DLG1: variants seen among roughly 807,000 people sequenced by gnomAD.
DLG1 encodes disks large homolog 1.
Under a neutral mutation model 123.4 loss-of-function variants are expected in DLG1, and 42 were observed. That is an observed-to-expected ratio of 0.34 (90% confidence interval 0.27 to 0.44). The LOEUF (loss-of-function observed/expected upper bound fraction) is 0.44, where lower values mean the gene tolerates loss of function less well. Ranked by LOEUF, DLG1 falls within the 20% of genes least tolerant of loss-of-function variation. The pLI is 1.00. For missense variants in DLG1, 942 were observed against 1,082.6 expected, an observed-to-expected ratio of 0.87 and a Z score of 1.82; for synonymous variants, 317 against 356.2, an observed-to-expected ratio of 0.89 and a Z score of 1.24.
At chr3:197,169,486 G>C (rs1240649558) in intron 5 of DLG1, among the ~76,000 whole-genome samples, 1 of 152,074 alleles carries the variant, frequency 6.6e-6, no homozygotes, top group Admixed American at 6.5e-5. Context: ...AGTGAGGAAG[G>C]CCTATTAACA....
At chr3:197,192,049 C>CTGTAG (rs1485308929) in intron 5 of DLG1, among the ~76,000 whole-genome samples, 1 of 151,770 alleles carries the variant, frequency 6.6e-6, no homozygotes, top group Admixed American at 6.6e-5. Context: ...TGGCATGTGC[C>CTGTAG]TGTAGACCCA....
At chr3:197,272,147 G>A (rs1339292386) in intron 4 of DLG1, among the ~76,000 whole-genome samples, 1 of 152,076 alleles carries the variant, frequency 6.6e-6, no homozygotes, top group African/African-American at 2.4e-5. Context: ...TTTTTTCCAA[G>A]GTAAGATGCC....
At chr3:197,045,361 A>ATTAGT (rs1722189511) in intron 24 of DLG1, among the ~76,000 whole-genome samples, 1 of 152,232 alleles carries the variant, frequency 6.6e-6, no homozygotes, top group Non-Finnish European at 1.5e-5. Flanking sequence ...TCTGTGAGGG[A>ATTAGT]TTAGTTAATA....
intron 18 of DLG1, among the ~76,000 whole-genome samples, chr3:197,073,480 C>T (rs1412824972): frequency 6.6e-6 from 1 of 152,162 alleles, no homozygotes; most frequent in Non-Finnish European, 1.5e-5. Flanking sequence ...TTCAAAATTA[C>T]CTCCCTTAAA....
At chr3:197,148,245 CAAAAA>C in intron 6 of DLG1, among the ~76,000 whole-genome samples, 1 of 43,300 alleles carries the variant, frequency 2.3e-5, no homozygotes, top group East Asian at 8.8e-4. Flanking sequence ...ACCAAAAATA[CAAAAA>C]AAAAAAAAAA....
chr3:197,116,151 C>A, intron 12 of DLG1, 68 bp from the exon 13 acceptor site: 2 of 1,221,516 alleles, frequency 1.6e-6, no homozygotes, highest in Admixed American at 2.4e-5. Context: ...TCAGTGAGAA[C>A]TACCTACTGA....
In DLG1 at chr3:197,130,658, CAT is replaced by C; in HGVS notation, c.1032_1033del (p.Cys345PhefsTer7). 2 of 1,601,140 alleles carry C rather than the reference CAT, an allele frequency of 1.2e-6. No homozygotes were observed. The highest frequency in any genetic ancestry group is 1.7e-6 in the Non-Finnish European group (2 of 1,175,574). On this transcript the variant is annotated frameshift_variant, in exon 11 of 25. Coordinates refer to ENST00000667157, the MANE Select transcript of DLG1 (RefSeq NM_001366207.1). LOFTEE classifies it high-confidence loss of function. ...TTCTTCATGAGTAACTTCTTCTAAA[CAT>C]ACGTTATTCACCTAAAAAAAGTCCC...
intron 4 of DLG1, among the ~76,000 whole-genome samples, chr3:197,224,440 C>G (rs1407284203): frequency 6.6e-6 from 1 of 152,096 alleles, no homozygotes; most frequent in Non-Finnish European, 1.5e-5. Flanking sequence ...AATTTAAAAT[C>G]CTTTTCCTAA....
chr3:197,229,835 T>C (rs139240184), intron 4 of DLG1, among the ~76,000 whole-genome samples: 93 of 152,358 alleles, frequency 6.1e-4, no homozygotes, highest in Non-Finnish European at 1.0e-3. Context: ...CTTTAACACA[T>C]GTAATTACCT....
At chr3:197,223,296 A>C (rs1323168958) in intron 4 of DLG1, among the ~76,000 whole-genome samples, 1 of 152,124 alleles carries the variant, frequency 6.6e-6, no homozygotes, top group Non-Finnish European at 1.5e-5. Flanking sequence ...CCAATTATAC[A>C]CACGCATGCA....
chr3:197,168,306 T>C (rs1177532643), intron 5 of DLG1, among the ~76,000 whole-genome samples: 1 of 152,214 alleles, frequency 6.6e-6, no homozygotes, highest in Non-Finnish European at 1.5e-5. Context: ...GCTGAGAAAG[T>C]CAACGACGCA....
chr3:197,169,113 TAA>T (rs1435517424), intron 5 of DLG1, among the ~76,000 whole-genome samples: 1 of 152,178 alleles, frequency 6.6e-6, no homozygotes, highest in Non-Finnish European at 1.5e-5. Flanking sequence ...CAGATTTTCA[TAA>T]AGTGGTCTGA....
chr3:197,046,031 A>G lies in DLG1; in HGVS notation c.2576-1302T>C, dbSNP rs115478356. Among the ~76,000 whole-genome samples, 1,293 of 152,314 alleles carry G rather than the reference A, an allele frequency of 8.5e-3. 17 individuals carry two copies. The highest frequency in any genetic ancestry group is 0.029 in the African/African-American group (1,225 of 41,556). On this transcript the variant is annotated intron_variant, in intron 24 of 24. Coordinates refer to ENST00000667157, the MANE Select transcript of DLG1 (RefSeq NM_001366207.1). ...ATAACCAAGAATTTTCAGTAACATG[A>G]TATTCGCTAGTATCAGTTTTGTGAG...
chr3:197,137,392 T>G (rs115902983), intron 9 of DLG1, among the ~76,000 whole-genome samples: 1,598 of 152,342 alleles, frequency 0.01, 30 homozygotes, highest in African/African-American at 0.036. Flanking sequence ...GTACCTGCAT[T>G]TAAAGTATTT....
intron 3 of DLG1, among the ~76,000 whole-genome samples, chr3:197,287,619 A>C (rs1277085838): frequency 6.6e-6 from 1 of 152,222 alleles, no homozygotes; most frequent in African/African-American, 2.4e-5. Context: ...TATACCTCTA[A>C]GAAAAAGGAA....
intron 4 of DLG1, among the ~76,000 whole-genome samples, chr3:197,267,122 C>A (rs746812818): frequency 1.2e-4 from 18 of 152,180 alleles, no homozygotes; most frequent in Admixed American, 2.6e-4. Flanking sequence ...TATACTTACA[C>A]TATGTTATCT....
intron 4 of DLG1, among the ~76,000 whole-genome samples, chr3:197,202,885 C>T (rs1259640676): frequency 2.0e-5 from 3 of 152,054 alleles, no homozygotes; most frequent in Non-Finnish European, 2.9e-5. Context: ...GGAATGCTGT[C>T]CGTGTCAGAG....
At chr3:197,198,717 CATA>C (rs1723999985) in intron 4 of DLG1, among the ~76,000 whole-genome samples, 1 of 152,052 alleles carries the variant, frequency 6.6e-6, no homozygotes, top group Non-Finnish European at 1.5e-5. Context: ...AAATCAAACC[CATA>C]ATGAGATACT....
At chr3:197,117,534 G>A (rs1364552587) in intron 12 of DLG1, among the ~76,000 whole-genome samples, 1 of 152,176 alleles carries the variant, frequency 6.6e-6, no homozygotes, top group Non-Finnish European at 1.5e-5. Context: ...GCTAACAAAT[G>A]AGTGTATCTT....
Sources: gnomAD v4.1 joint callset for allele counts (sites outside exome capture counted in the v4.1 genomes callset) on GRCh38, gnomAD v4.1.1 for gene constraint, MANE v1.5 for transcripts, NCBI Gene and HGNC (gene_info 2026-07-23, HGNC 2026-07-21) for gene names.